Variants in ABCA10 observed in about 807,000 individuals in gnomAD.
ABCA10 encodes the protein ATP binding cassette subfamily A member 10.
In ABCA10, 169 loss-of-function variants were observed where a neutral mutation model predicts 187.5. The ratio of observed to expected loss-of-function variants is 0.90; its 90% CI spans 0.80 to 1.02. ABCA10 has a LOEUF of 1.02. Among genes scored for constraint, ABCA10 ranks in the 50% least tolerant of loss-of-function variants. The pLI is 0.00. For synonymous variants in ABCA10, 574 were observed against 601.8 expected, an observed-to-expected ratio of 0.95 and a Z score of 0.68; for missense variants, 1,727 against 1,812.4, an observed-to-expected ratio of 0.95 and a Z score of 0.86.
chr17:69,209,091 A>G lies in ABCA10; in HGVS notation c.1006+5613T>C, dbSNP rs931167711. ...ACAGGGTGTTTTTAATGCTCTTGCCATATGTATAAGTGACAGAATGAGTGC... is the reference window on the plus strand; with the variant it reads ...ACAGGGTGTTTTTAATGCTCTTGCCGTATGTATAAGTGACAGAATGAGTGC... On this transcript the variant is annotated intron_variant, in intron 9 of 38. Transcript: ENST00000690296. Among the ~76,000 whole-genome samples, 50 of 152,326 alleles carry G rather than the reference A, an allele frequency of 3.3e-4. 1 individual carries two copies. Among genetic ancestry groups the G allele is most frequent in the African/African-American group, 1.1e-3 (45 of 41,576 alleles).
At chr17:69,230,577 C>T (rs2074825835), upstream of ABCA10, among the ~76,000 whole-genome samples, 1 of 152,066 alleles carries the variant, frequency 6.6e-6, no homozygotes, top group Admixed American at 6.6e-5. Flanking sequence ...TGCACATCCA[C>T]GTTACATAAT....
At chr17:69,160,853 G>T (rs948556082) in intron 27 of ABCA10, among the ~76,000 whole-genome samples, 1 of 152,134 alleles carries the variant, frequency 6.6e-6, no homozygotes. Context: ...CAGTATGGAG[G>T]TTCCTCAAAA....
At chr17:69,198,459 T>C (rs1444219205) in intron 10 of ABCA10, among the ~76,000 whole-genome samples, 1 of 152,186 alleles carries the variant, frequency 6.6e-6, no homozygotes, top group African/African-American at 2.4e-5. Flanking sequence ...GAGCCAAGCA[T>C]ATACGCAGGC....
At chr17:69,234,229 T>TC (rs1004558710) in intron 1 of ABCA10, 55 of 152,406 alleles carry the variant, frequency 3.6e-4, no homozygotes, top group African/African-American at 1.3e-3. Flanking sequence ...AAGTTCAGAC[T>TC]CCCAGGATGC....
chr17:69,161,908 T>A (rs906131885), intron 27 of ABCA10, among the ~76,000 whole-genome samples: 1 of 152,134 alleles, frequency 6.6e-6, no homozygotes, highest in Non-Finnish European at 1.5e-5. Context: ...TTAAGTGGTT[T>A]TAAGAAGGAA....
chr17:69,188,341 T>C (rs1412946593), intron 18 of ABCA10, among the ~76,000 whole-genome samples: 3 of 152,028 alleles, frequency 2.0e-5, no homozygotes, highest in Non-Finnish European at 4.4e-5. Context: ...AGGCCTCCTG[T>C]TTGAGTCCCA....
chr17:69,201,725 G>A (rs2074547208), intron 9 of ABCA10, 57 bp from the exon 10 acceptor site: 4 of 1,343,320 alleles, frequency 3.0e-6, no homozygotes, highest in Non-Finnish European at 4.0e-6. Flanking sequence ...CAATAAAAAG[G>A]GACATCTGTC....
chr17:69,157,370 A>G (rs2074182532), intron 27 of ABCA10, among the ~76,000 whole-genome samples: 1 of 152,184 alleles, frequency 6.6e-6, no homozygotes, highest in African/African-American at 2.4e-5. Context: ...AGTAAGGGGT[A>G]GATAGGTCAC....
intron 26 of ABCA10, 86 bp from the exon 27 acceptor site, chr17:69,164,240 T>C (rs1235790780): frequency 1.8e-6 from 2 of 1,091,012 alleles, no homozygotes; most frequent in Non-Finnish European, 2.6e-6. Context: ...TTATACTTGA[T>C]GTTCTATGGG....
chr17:69,186,516 C>T (rs2074422623), intron 19 of ABCA10, among the ~76,000 whole-genome samples: 1 of 152,214 alleles, frequency 6.6e-6, no homozygotes, highest in Admixed American at 6.5e-5. Context: ...CCCGACTTCA[C>T]ATTGCCTTTT....
At chr17:69,221,193 A>G (rs1231026155) in intron 5 of ABCA10, among the ~76,000 whole-genome samples, 1 of 152,206 alleles carries the variant, frequency 6.6e-6, no homozygotes, top group Non-Finnish European at 1.5e-5. Context: ...TATGTTATTT[A>G]GTTGAAATAT....
chr17:69,223,537 A>C (rs148556775), intron 3 of ABCA10: 1 of 324,082 alleles, frequency 3.1e-6, no homozygotes, highest in African/African-American at 2.3e-5. Flanking sequence ...TTTATGTATT[A>C]TGTTCTAAAA....
intron 10 of ABCA10, among the ~76,000 whole-genome samples, chr17:69,198,512 C>G (rs1330334397): frequency 6.6e-6 from 1 of 152,178 alleles, no homozygotes; most frequent in African/African-American, 2.4e-5. Flanking sequence ...ACAAGGACTG[C>G]TTTGCTACTG....
At position 69,165,031 on chromosome 17, in the gene ABCA10, T is replaced by C. The variant is rs1188863013; in HGVS notation, c.3215A>G (p.Asn1072Ser). 3.1e-6 allele frequency: 5 copies of C among 1,608,452 alleles called. No individual in the cohort carries two copies. The highest frequency in any genetic ancestry group is 1.3e-5 in the African/African-American group (1 of 74,882). ...IMVSTQYEKL[N>S]LILCMIFIPS... ...TATGAAAATCATGCACAAAATTAAGTTGAGTTTTTCATATTGAGTTGATAC... is the reference window on the plus strand; with the variant it reads ...TATGAAAATCATGCACAAAATTAAGCTGAGTTTTTCATATTGAGTTGATAC... The change falls in exon 26 of 39, where the codon AAC becomes AGC. Residue 1072 changes from asparagine to serine, a missense_variant. By Grantham distance (46) the Asn-to-Ser change is conservative. Coordinates refer to ENST00000690296, the MANE Select transcript of ABCA10 (RefSeq NM_001377321.1).
chr17:69,154,447 CAG>C, intron 30 of ABCA10, 121 bp from the exon 31 acceptor site: 1 of 701,590 alleles, frequency 1.4e-6, no homozygotes, highest in South Asian at 2.0e-5. Flanking sequence ...TTTTCAGAGA[CAG>C]AGTTTTGCTC....
At chr17:69,160,801 A>G (rs369296805) in intron 27 of ABCA10, among the ~76,000 whole-genome samples, 5 of 152,224 alleles carry the variant, frequency 3.3e-5, no homozygotes, top group African/African-American at 9.6e-5. Flanking sequence ...ACTCTTGTAC[A>G]CTGTTGGTGA....
At chr17:69,178,817 G>A (rs899323739) in intron 22 of ABCA10, 1 of 152,076 alleles carries the variant, frequency 6.6e-6, no homozygotes, top group African/African-American at 2.4e-5. Context: ...TGGTGAAAAT[G>A]CAACAACTAG....
chr17:69,229,891 A>T (rs1366140436), upstream of ABCA10, among the ~76,000 whole-genome samples: 1 of 152,092 alleles, frequency 6.6e-6, no homozygotes, highest in East Asian at 1.9e-4. Flanking sequence ...ATACTATAAT[A>T]CAGACATACA....
rs1046761384 is a variant in ABCA10, at chr17:69,216,089, T to C, written c.673-89A>G. The C allele has an allele frequency of 2.6e-6, 4 of 1,554,892 alleles. No homozygotes were observed. In the Admixed American group the frequency reaches 8.6e-5, roughly 33 times the overall value. ...ATCGATTTCTCACATTGTCAAAAAT[T>C]TTCTCAAAACATATAGAAAATAGGA... On this transcript the variant is annotated intron_variant, in intron 7 of 38. Transcript: ENST00000690296.
Sources: allele counts gnomAD v4.1 joint callset (sites outside exome capture counted in the v4.1 genomes callset), GRCh38; gene constraint gnomAD v4.1.1; transcripts MANE v1.5; gene names NCBI Gene and HGNC (gene_info 2026-07-23, HGNC 2026-07-21).